DPP4: variants seen among roughly 807,000 people sequenced by gnomAD.
DPP4 encodes ADCP-2.
A neutral mutation model predicts 122.4 loss-of-function variants in DPP4; 93 were observed. That is an observed-to-expected ratio of 0.76 (90% CI 0.64 to 0.90). The LOEUF (loss-of-function observed/expected upper bound fraction) is 0.90, where lower values mean the gene tolerates loss of function less well. Ranked by LOEUF, DPP4 falls within the 40% of genes least tolerant of loss-of-function variation. DPP4 has a pLI of 0.00. For synonymous variants in DPP4, 321 were observed against 302.9 expected, an observed-to-expected ratio of 1.06 and a Z score of -0.62; for missense variants, 914 against 907.3, an observed-to-expected ratio of 1.01 and a Z score of -0.09.
chr2:162,028,799 G>A (rs1037375288), intron 10 of DPP4, among the ~76,000 whole-genome samples: 1 of 152,236 alleles, frequency 6.6e-6, no homozygotes, highest in Non-Finnish European at 1.5e-5. Flanking sequence ...CCTATGAGGT[G>A]AGTACTGCAG....
chr2:162,046,468 GA>G (rs1223024842), intron 4 of DPP4, among the ~76,000 whole-genome samples: 10 of 152,162 alleles, frequency 6.6e-5, no homozygotes, highest in Non-Finnish European at 1.5e-4. Context: ...GACAGTGGGG[GA>G]AAGATAACCA....
intron 18 of DPP4, 82 bp downstream of exon 18, chr2:162,016,686 A>G (rs1576041249): frequency 1.2e-6 from 1 of 844,300 alleles, no homozygotes; most frequent in Non-Finnish European, 1.8e-6. Flanking sequence ...AATATGAAAT[A>G]CATATTTTCA....
chr2:162,066,370 C>T (rs1188317447), intron 2 of DPP4, among the ~76,000 whole-genome samples: 1 of 152,088 alleles, frequency 6.6e-6, no homozygotes, highest in Non-Finnish European at 1.5e-5. Flanking sequence ...GAGTCAGAGG[C>T]ATATTTTTGA....
chr2:162,008,613 C>T lies in DPP4; in HGVS notation c.1936G>A (p.Val646Met), dbSNP rs777468645. The T allele has an allele frequency of 9.3e-6, 15 of 1,613,482 alleles. No individual in the cohort carries two copies. The highest frequency in any genetic ancestry group is 4.5e-5 in the East Asian group (2 of 44,882). The change falls in exon 22 of 26, where the codon GTG becomes ATG. Residue 646 changes from valine (V) to methionine (M), a missense_variant. Physicochemically the swap from Val to Met is conservative, Grantham distance 21 (BLOSUM62 1). Transcript: ENST00000360534. ...GCCACGGCTATTCCACACTTGAACACGCCACTTCCCGATCCCAGGACCATT... is the reference window on the plus strand; with the variant it reads ...GCCACGGCTATTCCACACTTGAACATGCCACTTCCCGATCCCAGGACCATT... Reference protein sequence around the residue: ...TSMVLGSGSGVFKCGIAVAPV... With the variant: ...TSMVLGSGSGMFKCGIAVAPV...
chr2:162,074,112 C>T lies in DPP4; in HGVS notation c.-131G>A, dbSNP rs1685226053. 2.7e-6 allele frequency: 4 copies of T among 1,459,598 alleles called. No homozygotes were observed. Among genetic ancestry groups the T allele is most frequent in the African/African-American group, 1.4e-5 (1 of 69,790 alleles). The allele number at this position is 1,459,598 out of a possible 1,614,324, so 90.4% of individuals were successfully genotyped here. The stretch of plus-strand genomic sequence containing the variant: ...CACTCGCCGCTGGCAAGTTTCGGCC[C>T]CGAGTTAAACATTAGTGAGCGCCGA... On this transcript the variant is annotated 5_prime_UTR_variant, in exon 1 of 26. Coordinates refer to ENST00000360534, the MANE Select transcript of DPP4 (RefSeq NM_001935.4).
At chr2:162,062,245 G>A (rs1291913328) in intron 2 of DPP4, among the ~76,000 whole-genome samples, 2 of 152,150 alleles carry the variant, frequency 1.3e-5, no homozygotes, top group African/African-American at 4.8e-5. Flanking sequence ...CTGCATCGCT[G>A]CACTCCAGCC....
chr2:162,033,782 C>A (rs570847125), intron 9 of DPP4, 129 bp from the exon 10 acceptor site: 8 of 551,108 alleles, frequency 1.5e-5, no homozygotes, highest in African/African-American at 5.9e-5. Flanking sequence ...CATGTTCCAA[C>A]AATTTAATAT....
At chr2:162,011,690 T>C in intron 20 of DPP4, 103 bp downstream of exon 20, 1 of 1,195,026 alleles carries the variant, frequency 8.4e-7, no homozygotes, top group East Asian at 2.4e-5. Flanking sequence ...TACAAATTCA[T>C]CCCAGAACAC....
At chr2:162,017,038 C>T (rs1324309604) in intron 17 of DPP4, 70 bp downstream of exon 17, 10 of 1,528,904 alleles carry the variant, frequency 6.5e-6, no homozygotes, top group Non-Finnish European at 8.1e-6. Context: ...TCACACAATG[C>T]TAAGTACATG....
intron 4 of DPP4, chr2:162,046,653 C>T: frequency 1.8e-6 from 1 of 545,680 alleles, no homozygotes. Flanking sequence ...GGAGAGCATG[C>T]AAAGTGAAGA....
intron 5 of DPP4, among the ~76,000 whole-genome samples, chr2:162,043,562 C>T (rs902753899): frequency 3.9e-5 from 6 of 152,186 alleles, no homozygotes; most frequent in Admixed American, 2.0e-4. Flanking sequence ...GGGGAATACA[C>T]GCATTCGTGC....
intron 2 of DPP4, among the ~76,000 whole-genome samples, chr2:162,071,070 C>T (rs143778925): frequency 6.6e-6 from 1 of 152,294 alleles, no homozygotes; most frequent in African/African-American, 2.4e-5. Flanking sequence ...TCACTTCCCC[C>T]TCCAGTGTTG....
chr2:161,993,441 A>T (rs1700914692), intron 25 of DPP4, 57 bp from the exon 26 acceptor site: 1 of 1,186,374 alleles, frequency 8.4e-7, no homozygotes, highest in Non-Finnish European at 1.2e-6. Context: ...TCTTAAAAAA[A>T]AAAATACGTA....
At chr2:162,044,827 T>C (rs991647054) in intron 5 of DPP4, among the ~76,000 whole-genome samples, 1 of 152,160 alleles carries the variant, frequency 6.6e-6, no homozygotes, top group Admixed American at 6.5e-5. Context: ...CTTTACGATC[T>C]GTGGTGAGGC....
At chr2:162,044,020 C>T (rs1025930340) in intron 5 of DPP4, among the ~76,000 whole-genome samples, 2 of 151,906 alleles carry the variant, frequency 1.3e-5, no homozygotes, top group Non-Finnish European at 2.9e-5. Flanking sequence ...AGAATGAGAC[C>T]TTGTCTCAAA....
chr2:162,021,439 G>A (rs1048164406), intron 12 of DPP4: 2 of 152,170 alleles, frequency 1.3e-5, no homozygotes, highest in Non-Finnish European at 2.9e-5. Context: ...GTTGGTTTAC[G>A]ATTTTGATTT....
At chr2:162,018,584 G>A (rs532419614) in intron 16 of DPP4, 145 bp downstream of exon 16, 9 of 1,065,582 alleles carry the variant, frequency 8.4e-6, no homozygotes, top group Admixed American at 3.0e-5. Flanking sequence ...AGAAAAGATT[G>A]TTTATGCTCA....
At chr2:162,025,266 G>A (rs576488397) in intron 10 of DPP4, among the ~76,000 whole-genome samples, 121 of 152,126 alleles carry the variant, frequency 8.0e-4, no homozygotes, top group Non-Finnish European at 9.7e-4. Flanking sequence ...GGGAGTCAAG[G>A]GTAATGTTTT....
chr2:162,015,217 A>C (rs927638548), intron 18 of DPP4, among the ~76,000 whole-genome samples: 2 of 152,230 alleles, frequency 1.3e-5, no homozygotes. Context: ...TTTAAACTGT[A>C]GGCAAAAAAA....
Sources: allele counts gnomAD v4.1 joint callset (sites outside exome capture counted in the v4.1 genomes callset), GRCh38; gene constraint gnomAD v4.1.1; transcripts MANE v1.5; gene names NCBI Gene and HGNC (gene_info 2026-07-23, HGNC 2026-07-21).